The following OPCML variants were observed in gnomAD, a reference collection of about 807,000 sequenced individuals.
OPCML encodes the protein opioid binding protein/cell adhesion molecule like.
OPCML carries 13 observed loss-of-function variants against 37.8 expected under a neutral mutation model. That is an observed-to-expected ratio of 0.34 (90% CI 0.22 to 0.55). OPCML has a LOEUF of 0.55. Among genes scored for constraint, OPCML ranks in the 20% least tolerant of loss-of-function variants. The pLI, the probability that OPCML is intolerant of heterozygous loss-of-function variation, is 0.91. For synonymous variants in OPCML, 176 were observed against 168.8 expected (o/e 1.04, Z -0.33); for missense variants, 341 against 435.6 (o/e 0.78, Z 1.93).
chr11:132,727,338 G>A (rs76275092), intron 2 of OPCML, among the ~76,000 whole-genome samples: 8,252 of 152,204 alleles, frequency 0.054, 643 homozygotes, highest in African/African-American at 0.17. Flanking sequence ...TAGGTGAACC[G>A]AGGTTCCCAT....
At chr11:132,861,854 A>C (rs934526216) in intron 2 of OPCML, among the ~76,000 whole-genome samples, 1 of 151,896 alleles carries the variant, frequency 6.6e-6, no homozygotes, top group Admixed American at 6.6e-5. Context: ...AAAAAAAAAA[A>C]AACAAAAACT....
intron 3 of OPCML, among the ~76,000 whole-genome samples, chr11:132,562,981 A>G (rs1349640242): frequency 6.6e-6 from 1 of 152,074 alleles, no homozygotes; most frequent in Non-Finnish European, 1.5e-5. Flanking sequence ...AGGCAATGTT[A>G]CTCCATAAAC....
At chr11:132,498,633 T>A (rs1286997216) in intron 4 of OPCML, among the ~76,000 whole-genome samples, 1 of 152,180 alleles carries the variant, frequency 6.6e-6, no homozygotes, top group East Asian at 1.9e-4. Context: ...CCTCTACAAT[T>A]CCTCTGTAGT....
chr11:133,423,151 A>G (rs1165944099), intron 1 of OPCML: 2 of 985,310 alleles, frequency 2.0e-6, no homozygotes, highest in Admixed American at 1.2e-4. Flanking sequence ...ATCCTCTTTC[A>G]GAATTTATCT....
chr11:133,175,031 G>C (rs1004247527), intron 1 of OPCML, among the ~76,000 whole-genome samples: 3 of 151,932 alleles, frequency 2.0e-5, no homozygotes, highest in Non-Finnish European at 4.4e-5. Flanking sequence ...TTGAGCCTAA[G>C]AGGTTGAGGC....
At chr11:132,848,985 G>A (rs1482379615) in intron 2 of OPCML, among the ~76,000 whole-genome samples, 1 of 152,166 alleles carries the variant, frequency 6.6e-6, no homozygotes, top group African/African-American at 2.4e-5. Flanking sequence ...CTCTGCCTTG[G>A]CTTCACACAC....
chr11:133,451,711 C>A (rs561430887), intron 1 of OPCML, among the ~76,000 whole-genome samples: 2 of 148,422 alleles, frequency 1.3e-5, no homozygotes, highest in Non-Finnish European at 2.9e-5. Context: ...GGTGTGGTGG[C>A]GGGTGCCTGT....
Position 132,494,770 on chromosome 11 carries a change from T to A in OPCML, c.505+34291A>T, listed in dbSNP as rs556683113. ...AACAAAACAAAAACTGAACATTTGT[T>A]GCAGAAACTTCCTTTCCTCCATGTC... On this transcript the variant is annotated intron_variant, in intron 4 of 7. Transcript: ENST00000524381. Among the ~76,000 whole-genome samples the A allele has an allele frequency of 3.9e-5, 6 of 152,372 alleles. No individual in the cohort carries two copies. In the South Asian group the frequency reaches 1.2e-3, roughly 32 times the overall value.
At chr11:132,851,478 CT>C (rs2136329906) in intron 2 of OPCML, among the ~76,000 whole-genome samples, 1 of 152,238 alleles carries the variant, frequency 6.6e-6, no homozygotes, top group East Asian at 1.9e-4. Flanking sequence ...CCCTAGGTTC[CT>C]CCCAAACAGG....
intron 3 of OPCML, among the ~76,000 whole-genome samples, chr11:132,537,628 G>T (rs1450721892): frequency 6.6e-6 from 1 of 152,102 alleles, no homozygotes; most frequent in South Asian, 2.1e-4. Context: ...ACACTATCAA[G>T]CAAGTGAAAA....
chr11:133,225,061 A>C (rs1226155318), intron 1 of OPCML, among the ~76,000 whole-genome samples: 2 of 152,228 alleles, frequency 1.3e-5, no homozygotes, highest in Non-Finnish European at 2.9e-5. Context: ...GGGGGACATG[A>C]AGTGCTCTGT....
At chr11:132,805,669 C>G (rs1293310166) in intron 2 of OPCML, among the ~76,000 whole-genome samples, 3 of 152,120 alleles carry the variant, frequency 2.0e-5, no homozygotes, top group Non-Finnish European at 4.4e-5. Context: ...AATTCTACAG[C>G]CAGCAAAAGT....
intron 1 of OPCML, among the ~76,000 whole-genome samples, chr11:133,148,481 T>C (rs1592050116): frequency 6.6e-6 from 1 of 152,220 alleles, no homozygotes; most frequent in South Asian, 2.1e-4. Flanking sequence ...TCGCTGGCTG[T>C]TGGTTTTCAC....
chr11:132,725,481 A>G (rs1944845253), intron 2 of OPCML, among the ~76,000 whole-genome samples: 1 of 152,156 alleles, frequency 6.6e-6, no homozygotes, highest in Admixed American at 6.5e-5. Flanking sequence ...GATCTCTGAC[A>G]TGTGCTGGAG....
At chr11:133,095,286 T>TTG (rs1390751851) in intron 1 of OPCML, among the ~76,000 whole-genome samples, 31 of 143,854 alleles carry the variant, frequency 2.2e-4, no homozygotes, top group African/African-American at 8.1e-4. Context: ...TGTTTTTTTT[T>TTG]TTTTTTTTTT....
chr11:132,593,318 G>A (rs987803467), intron 3 of OPCML, among the ~76,000 whole-genome samples: 2 of 152,152 alleles, frequency 1.3e-5, no homozygotes, highest in Middle Eastern at 3.2e-3. Flanking sequence ...CGAAGTGGTG[G>A]AGGCAGGCAG....
At chr11:132,489,197 C>T (rs2096208637) in intron 4 of OPCML, among the ~76,000 whole-genome samples, 1 of 149,646 alleles carries the variant, frequency 6.7e-6, no homozygotes, top group Non-Finnish European at 1.5e-5. Context: ...TTAGCCTAGA[C>T]CTACACAGGG....
At chr11:132,436,264 A>G (rs748284842) in intron 6 of OPCML, 27 bp from the exon 7 acceptor site, 1 of 1,614,020 alleles carries the variant, frequency 6.2e-7, no homozygotes, top group Non-Finnish European at 8.5e-7. Flanking sequence ...ATTGCTATCA[A>G]TTCATTCTAC....
At chr11:132,473,897 G>A (rs1351651823) in intron 4 of OPCML, among the ~76,000 whole-genome samples, 1 of 152,136 alleles carries the variant, frequency 6.6e-6, no homozygotes, top group Non-Finnish European at 1.5e-5. Context: ...TGGCACAGAT[G>A]AAAATCCAAA....
Sources: allele counts gnomAD v4.1 joint callset (sites outside exome capture counted in the v4.1 genomes callset), GRCh38; gene constraint gnomAD v4.1.1; transcripts MANE v1.5; gene names NCBI Gene and HGNC (gene_info 2026-07-23, HGNC 2026-07-21).